The following GFRA2 variants were observed in gnomAD, a reference collection of about 807,000 sequenced individuals.
GFRA2 encodes the protein GDNF family receptor alpha-2.
In GFRA2, 17 loss-of-function variants were observed where a neutral mutation model predicts 48.3. That is an observed-to-expected ratio of 0.35 (90% CI 0.24 to 0.53). The LOEUF (loss-of-function observed/expected upper bound fraction) is 0.53. GFRA2 is among the 20% of genes least tolerant of loss of function. The pLI is 0.93. For missense variants in GFRA2, 660 were observed against 637.3 expected (o/e 1.04, Z -0.38); for synonymous variants, 305 against 257.2 (o/e 1.19, Z -1.78).
At chr8:21,696,766 A>G (rs1286637701) in intron 7 of GFRA2, among the ~76,000 whole-genome samples, 2 of 152,140 alleles carry the variant, frequency 1.3e-5, no homozygotes, top group African/African-American at 4.8e-5. Context: ...TGGAGGGGAC[A>G]CTGGCAAGTA....
At position 21,692,062 on chromosome 8, in the gene GFRA2, C is replaced by G. The variant is rs150714897; in HGVS notation, c.*1216G>C. On this transcript the variant is annotated 3_prime_UTR_variant, in exon 9 of 9. Coordinates refer to ENST00000524240, the MANE Select transcript of GFRA2 (RefSeq NM_001495.5). The stretch of plus-strand genomic sequence containing the variant: ...TTGGAGCCTTGGTTAAGCTTGGATG[C>G]GGATCAGGAGCCCCCACCAGAGCCC... 3 of 152,736 alleles carry G rather than the reference C, an allele frequency of 2.0e-5. No homozygotes were observed. The highest frequency in any genetic ancestry group is 2.0e-4 in the Admixed American group (3 of 15,292). The allele number at this position is 152,736 out of a possible 1,614,324, so 9.5% of individuals were successfully genotyped here. A position where few individuals can be genotyped will look rare whatever the true frequency, so the allele number is the denominator to read the frequency against.
intron 4 of GFRA2, among the ~76,000 whole-genome samples, chr8:21,706,731 C>T (rs1802768059): frequency 6.6e-6 from 1 of 152,198 alleles, no homozygotes. Flanking sequence ...CCTCTGTCAG[C>T]ATCGATGACA....
intron 4 of GFRA2, among the ~76,000 whole-genome samples, chr8:21,717,748 A>G (rs1006748781): frequency 2.6e-5 from 4 of 152,186 alleles, no homozygotes; most frequent in Non-Finnish European, 4.4e-5. Context: ...GCTGCTCCAG[A>G]TCCTAGGAAC....
chr8:21,810,612 G>A (rs1563273957), intron 1 of GFRA2, among the ~76,000 whole-genome samples: 1 of 152,240 alleles, frequency 6.6e-6, no homozygotes, highest in Non-Finnish European at 1.5e-5. Context: ...CAGTGGCTGT[G>A]ATGGCAGCAA....
chr8:21,750,680 C>T lies in GFRA2; in HGVS notation c.702G>A (p.Arg234=), dbSNP rs565122102. 2 of 1,613,856 alleles carry T rather than the reference C, an allele frequency of 1.2e-6. No individual in the cohort carries two copies. Among genetic ancestry groups the T allele is most frequent in the African/African-American group, 1.3e-5 (1 of 75,062 alleles). ...CQDQACAERR[R]QTILPSCSYE... Reference sequence around the variant, plus strand: ...AGGAGCAGCTGGGCAGGATGGTTTGCCGGCGGCGCTCAGCGCACGCCTGGT... The same window carrying T: ...AGGAGCAGCTGGGCAGGATGGTTTGTCGGCGGCGCTCAGCGCACGCCTGGT... Residue 234 remains arginine (R), a synonymous_variant, in exon 4 of 9, where the codon CGG becomes CGA. Transcript: ENST00000524240. The surrounding 1 kb of genome is among the most constrained non-coding windows in gnomAD (Gnocchi z 5.7).
intron 1 of GFRA2, among the ~76,000 whole-genome samples, chr8:21,783,726 A>C (rs897845876): frequency 6.6e-6 from 1 of 151,530 alleles, no homozygotes; most frequent in East Asian, 2.0e-4. Flanking sequence ...GCCCCCTCCA[A>C]TAGAAAATGC....
At chr8:21,713,375 T>C (rs1246474569) in intron 4 of GFRA2, among the ~76,000 whole-genome samples, 1 of 151,936 alleles carries the variant, frequency 6.6e-6, no homozygotes, top group Non-Finnish European at 1.5e-5. Context: ...TTTGTATTTT[T>C]AATAGAGATG....
At chr8:21,780,862 C>G (rs1410571920) in intron 2 of GFRA2, 1 of 152,284 alleles carries the variant, frequency 6.6e-6, no homozygotes, top group Non-Finnish European at 1.5e-5. Context: ...TGGCTCATAC[C>G]TGTAAGCCCA....
upstream of GFRA2, chr8:21,790,034 G>A (rs1406870077): frequency 2.0e-6 from 2 of 980,736 alleles, no homozygotes; most frequent in African/African-American, 1.7e-5. Flanking sequence ...GCCGGGAAGG[G>A]GGCGATTGAT....
chr8:21,696,062 T>A (rs1299663645), intron 7 of GFRA2, among the ~76,000 whole-genome samples: 2 of 87,156 alleles, frequency 2.3e-5, no homozygotes, highest in Non-Finnish European at 4.5e-5. Flanking sequence ...CCCCTCCCCA[T>A]CTCCTGTGTC....
At chr8:21,698,944 T>C (rs939035465) in intron 7 of GFRA2, among the ~76,000 whole-genome samples, 19 of 152,192 alleles carry the variant, frequency 1.2e-4, no homozygotes, top group African/African-American at 4.6e-4. Flanking sequence ...CAGGCACTGT[T>C]ATGCCCACGG....
At chr8:21,732,901 C>G (rs1297378437) in intron 4 of GFRA2, among the ~76,000 whole-genome samples, 1 of 152,122 alleles carries the variant, frequency 6.6e-6, no homozygotes, top group Non-Finnish European at 1.5e-5. Flanking sequence ...CTGCAAGACC[C>G]CAGAGGCAGG....
intron 6 of GFRA2, among the ~76,000 whole-genome samples, chr8:21,704,702 T>C (rs1413420019): frequency 1.3e-5 from 2 of 152,248 alleles, no homozygotes; most frequent in Non-Finnish European, 2.9e-5. Flanking sequence ...GGGCTCAGTC[T>C]CCAAAGGAAA....
chr8:21,712,544 C>T (rs930942237), intron 4 of GFRA2, among the ~76,000 whole-genome samples: 2 of 150,596 alleles, frequency 1.3e-5, no homozygotes, highest in African/African-American at 4.9e-5. Context: ...GGCAGAGGGG[C>T]TCCTCACATC....
At chr8:21,748,886 C>G (rs1805137296) in intron 4 of GFRA2, among the ~76,000 whole-genome samples, 1 of 152,196 alleles carries the variant, frequency 6.6e-6, no homozygotes, top group African/African-American at 2.4e-5. Context: ...AGAGCCCAGG[C>G]CCTCTCCCAC....
At chr8:21,763,812 C>G (rs1479876796) in intron 3 of GFRA2, among the ~76,000 whole-genome samples, 1 of 151,902 alleles carries the variant, frequency 6.6e-6, no homozygotes, top group Non-Finnish European at 1.5e-5. Flanking sequence ...CTACACTTCC[C>G]AGCCTGCATG....
At chr8:21,742,640 A>G (rs900088636) in intron 4 of GFRA2, among the ~76,000 whole-genome samples, 53 of 152,334 alleles carry the variant, frequency 3.5e-4, no homozygotes, top group African/African-American at 1.2e-3. Context: ...AGGGTGGCTG[A>G]AAGTGTGTCT....
intron 3 of GFRA2, among the ~76,000 whole-genome samples, chr8:21,758,357 A>C (rs1317480817): frequency 1.3e-5 from 2 of 152,136 alleles, no homozygotes; most frequent in Non-Finnish European, 2.9e-5. Flanking sequence ...AGGATCTTCA[A>C]GGTAGACTTT....
intron 4 of GFRA2, among the ~76,000 whole-genome samples, chr8:21,738,179 C>T (rs1300014084): frequency 4.5e-5 from 3 of 66,552 alleles, no homozygotes; most frequent in East Asian, 6.1e-4. Context: ...CCCCCTCCCC[C>T]GTTCCTCCTC....
Sources: gnomAD v4.1 joint callset for allele counts (sites outside exome capture counted in the v4.1 genomes callset) on GRCh38, gnomAD v4.1.1 for gene constraint, Gnocchi (gnomAD v3.1) non-coding constraint, MANE v1.5 for transcripts, NCBI Gene and HGNC (gene_info 2026-07-23, HGNC 2026-07-21) for gene names.